Variants in SYNPR observed in about 807,000 individuals in gnomAD.
The protein encoded by SYNPR is synaptoporin.
SYNPR carries 23 observed loss-of-function variants against 32.9 expected under a neutral mutation model. That is an observed-to-expected ratio of 0.70 (90% CI 0.50 to 0.99). The LOEUF (loss-of-function observed/expected upper bound fraction) is 0.99. Among genes scored for constraint, SYNPR ranks in the 50% least tolerant of loss-of-function variants. The pLI is 0.00. For synonymous variants in SYNPR, 146 were observed against 135.9 expected, an observed-to-expected ratio of 1.07 and a Z score of -0.52; for missense variants, 318 against 349.3, an observed-to-expected ratio of 0.91 and a Z score of 0.71.
At chr3:63,596,689 G>A (rs538924766) in intron 4 of SYNPR, among the ~76,000 whole-genome samples, 1 of 152,284 alleles carries the variant, frequency 6.6e-6, no homozygotes, top group African/African-American at 2.4e-5. Flanking sequence ...AGGAATGTGG[G>A]AGGCATGCTG....
chr3:63,485,892 T>C (rs936991580), intron 3 of SYNPR, among the ~76,000 whole-genome samples: 2 of 152,216 alleles, frequency 1.3e-5, no homozygotes, highest in African/African-American at 4.8e-5. Context: ...CACTTCCATG[T>C]CTTGAGACCT....
intron 1 of SYNPR, among the ~76,000 whole-genome samples, chr3:63,234,078 A>G (rs2086183850): frequency 6.6e-6 from 1 of 152,190 alleles, no homozygotes; most frequent in African/African-American, 2.4e-5. Flanking sequence ...AGACTGGGAA[A>G]TTTACAAAAG....
At chr3:63,439,202 G>C (rs891215933) in intron 2 of SYNPR, among the ~76,000 whole-genome samples, 13 of 152,172 alleles carry the variant, frequency 8.5e-5, no homozygotes, top group African/African-American at 2.7e-4. Context: ...TTGAAGCTCT[G>C]ACCATATTAG....
intron 2 of SYNPR, among the ~76,000 whole-genome samples, chr3:63,440,251 A>G (rs1420163697): frequency 6.6e-6 from 1 of 152,172 alleles, no homozygotes; most frequent in Non-Finnish European, 1.5e-5. Flanking sequence ...TAGCTAGCGC[A>G]AAGGCATGGA....
At chr3:63,358,242 A>G (rs1344789525) in intron 2 of SYNPR, among the ~76,000 whole-genome samples, 1 of 152,230 alleles carries the variant, frequency 6.6e-6, no homozygotes, top group African/African-American at 2.4e-5. Context: ...ACAGTTCTGG[A>G]GGCCAGAATC....
At chr3:63,368,081 A>T (rs2087749404) in intron 2 of SYNPR, among the ~76,000 whole-genome samples, 1 of 152,214 alleles carries the variant, frequency 6.6e-6, no homozygotes. Context: ...ATTTTTAAAA[A>T]GTAGAGATGA....
At chr3:63,488,378 T>C (rs1452705759) in intron 3 of SYNPR, among the ~76,000 whole-genome samples, 1 of 152,210 alleles carries the variant, frequency 6.6e-6, no homozygotes, top group Non-Finnish European at 1.5e-5. Context: ...GACCTGATGG[T>C]GTTATGGGGC....
chr3:63,416,560 A>G (rs1424782917), intron 2 of SYNPR, among the ~76,000 whole-genome samples: 4 of 151,546 alleles, frequency 2.6e-5, no homozygotes, highest in Admixed American at 2.6e-4. Flanking sequence ...AAACCAAAAA[A>G]AAACACAGAA....
intron 2 of SYNPR, among the ~76,000 whole-genome samples, chr3:63,408,202 A>AGAG (rs2088395155): frequency 1.9e-5 from 1 of 52,186 alleles, no homozygotes; most frequent in African/African-American, 1.2e-4. Flanking sequence ...AAGAGGAAGG[A>AGAG]AGGAAGGAAG....
chr3:63,270,016 G>T (rs1448895331), intron 3 of SYNPR, among the ~76,000 whole-genome samples: 2 of 152,072 alleles, frequency 1.3e-5, no homozygotes, highest in African/African-American at 4.8e-5. Flanking sequence ...TAAAACCAGA[G>T]GATTATAAAT....
chr3:63,516,712 T>C (rs539285084), intron 3 of SYNPR, among the ~76,000 whole-genome samples: 2 of 152,282 alleles, frequency 1.3e-5, no homozygotes, highest in East Asian at 1.9e-4. Context: ...CTCAGTTATA[T>C]ACAACTCTTC....
At chr3:63,320,158 C>T (rs1341699156) in intron 2 of SYNPR, among the ~76,000 whole-genome samples, 3 of 151,928 alleles carry the variant, frequency 2.0e-5, no homozygotes, top group African/African-American at 7.2e-5. Flanking sequence ...ACTCTATTGT[C>T]CAGGATGGTC....
intron 2 of SYNPR, among the ~76,000 whole-genome samples, chr3:63,302,881 T>C (rs1196599921): frequency 2.0e-5 from 3 of 151,982 alleles, no homozygotes; most frequent in Non-Finnish European, 4.4e-5. Context: ...CTATTGTACA[T>C]TTAAAAATAG....
chr3:63,203,068 G>GTGTGTGTGTGTATATATATATATATATA, the SYNPR span: 36 of 108,406 alleles, frequency 3.3e-4, no homozygotes, highest in Middle Eastern at 4.5e-3. Context: ...ATATGTATGT[G>GTGTGTGTGTGTATATATATATATATATA]TATATATATA....
chr3:63,261,487 A>G (rs906860734), intron 2 of SYNPR, among the ~76,000 whole-genome samples: 4 of 146,602 alleles, frequency 2.7e-5, no homozygotes, highest in East Asian at 2.1e-4. Flanking sequence ...AACACCGCAT[A>G]TTCTCACTCA....
chr3:63,531,188 A>G (rs761323901), intron 3 of SYNPR, among the ~76,000 whole-genome samples: 166 of 152,282 alleles, frequency 1.1e-3, no homozygotes, highest in Non-Finnish European at 2.0e-3. Flanking sequence ...AGTTTTATGC[A>G]AATGTATTAG....
chr3:63,332,006 C>T (rs2087236065), intron 2 of SYNPR, among the ~76,000 whole-genome samples: 1 of 152,154 alleles, frequency 6.6e-6, no homozygotes, highest in Non-Finnish European at 1.5e-5. Context: ...TTGTCTTCGA[C>T]TGGTAGGCAG....
At chr3:63,471,824 G>A (rs988003899) in intron 2 of SYNPR, among the ~76,000 whole-genome samples, 1 of 152,194 alleles carries the variant, frequency 6.6e-6, no homozygotes, top group East Asian at 1.9e-4. Context: ...GGAGGGGGAG[G>A]CTCTGGGCCT....
In SYNPR at chr3:63,442,253, A is replaced by T. The variant is rs367897570; in HGVS notation, c.85-38579A>T. Among the ~76,000 whole-genome samples, 6 of 93,184 alleles carry T rather than the reference A, an allele frequency of 6.4e-5. No individual in the cohort carries two copies. In the East Asian group the frequency reaches 3.1e-3, roughly 48 times the overall value. The allele number at this position is 93,184 out of a possible 152,430, so 61.1% of individuals were successfully genotyped here. ...AGAGACAGAGATAGGAAGGAAAGCG[A>T]GAGAGAGAGAGACAGAGAGAGGGAC... is the stretch of plus-strand genomic sequence containing the variant. On this transcript the variant is annotated intron_variant, in intron 2 of 5. Transcript: ENST00000478300.
Sources: allele counts gnomAD v4.1 joint callset (sites outside exome capture counted in the v4.1 genomes callset), GRCh38; gene constraint gnomAD v4.1.1; transcripts MANE v1.5; gene names NCBI Gene and HGNC (gene_info 2026-07-23, HGNC 2026-07-21).